DOCK4: variants seen among roughly 807,000 people sequenced by gnomAD.
DOCK4 encodes the protein dedicator of cytokinesis protein 4.
DOCK4 carries 97 observed loss-of-function variants against 268.1 expected under a neutral mutation model. The observed-to-expected ratio is 0.36, with a 90% confidence interval of 0.31 to 0.43. DOCK4 has a LOEUF of 0.43. DOCK4 is among the 20% of genes least tolerant of loss of function. DOCK4 has a pLI of 1.00. For missense variants in DOCK4, 2,145 were observed against 2,455.7 expected (o/e 0.87, Z 2.67); for synonymous variants, 954 against 887.2 (o/e 1.08, Z -1.34).
At chr7:112,031,482 T>A (rs1803267575) in intron 1 of DOCK4, among the ~76,000 whole-genome samples, 1 of 152,156 alleles carries the variant, frequency 6.6e-6, no homozygotes, top group Admixed American at 6.5e-5. Flanking sequence ...TTTATAGTGT[T>A]AAAGACTGAT....
intron 12 of DOCK4, among the ~76,000 whole-genome samples, chr7:111,933,824 AG>A (rs1794470500): frequency 6.6e-6 from 1 of 152,172 alleles, no homozygotes; most frequent in African/African-American, 2.4e-5. Context: ...GAGAGGGAGG[AG>A]GAAACTGACC....
intron 22 of DOCK4, among the ~76,000 whole-genome samples, chr7:111,864,551 C>T (rs1365095810): frequency 1.3e-5 from 2 of 152,152 alleles, no homozygotes; most frequent in Admixed American, 6.5e-5. Context: ...CACAGACTCA[C>T]TCAAACTCAA....
chr7:112,044,489 T>C (rs967757734), intron 1 of DOCK4, among the ~76,000 whole-genome samples: 1 of 152,214 alleles, frequency 6.6e-6, no homozygotes, highest in Non-Finnish European at 1.5e-5. Context: ...ACTTAAATTA[T>C]GTCTTAGTAA....
chr7:111,864,401 G>T (rs549063079), intron 22 of DOCK4, among the ~76,000 whole-genome samples: 1 of 152,248 alleles, frequency 6.6e-6, no homozygotes, highest in African/African-American at 2.4e-5. Flanking sequence ...TGGAAGAAGA[G>T]TCGACTAGCT....
chr7:112,013,877 C>G (rs903895578), intron 1 of DOCK4, among the ~76,000 whole-genome samples: 2 of 152,258 alleles, frequency 1.3e-5, no homozygotes, highest in African/African-American at 4.8e-5. Flanking sequence ...CCACACCAAT[C>G]CCATTTACGT....
At chr7:112,029,249 T>C (rs1210774608) in intron 1 of DOCK4, among the ~76,000 whole-genome samples, 1 of 152,120 alleles carries the variant, frequency 6.6e-6, no homozygotes, top group African/African-American at 2.4e-5. Flanking sequence ...GAAAACAAAA[T>C]CTCAATTAAA....
intron 8 of DOCK4, among the ~76,000 whole-genome samples, chr7:111,949,836 T>G (rs772954604): frequency 2.0e-5 from 3 of 152,242 alleles, no homozygotes; most frequent in African/African-American, 4.8e-5. Context: ...TTATTATTAC[T>G]CACCCACACT....
intron 23 of DOCK4, among the ~76,000 whole-genome samples, chr7:111,851,691 G>C (rs1043907921): frequency 1.3e-5 from 2 of 151,956 alleles, no homozygotes; most frequent in African/African-American, 4.8e-5. Flanking sequence ...TAGAGTTCCA[G>C]TTCCGTGAAA....
At chr7:112,151,383 TACTCCAA>T (rs1816057126) in intron 1 of DOCK4, among the ~76,000 whole-genome samples, 1 of 151,982 alleles carries the variant, frequency 6.6e-6, no homozygotes, top group Non-Finnish European at 1.5e-5. Context: ...AACAAAAAAA[TACTCCAA>T]ATATGGTAGA....
chr7:111,741,063 AAC>A, intron 47 of DOCK4, 29 bp downstream of exon 47: 1 of 1,612,486 alleles, frequency 6.2e-7, no homozygotes. Flanking sequence ...AAAAGGAATA[AAC>A]ACAACCAGAC....
chr7:112,155,594 T>C (rs1476445737), intron 1 of DOCK4, among the ~76,000 whole-genome samples: 1 of 152,232 alleles, frequency 6.6e-6, no homozygotes, highest in African/African-American at 2.4e-5. Flanking sequence ...ATTATGGTTC[T>C]GCTGCAATCA....
chr7:111,860,567 C>G (rs1162589060), intron 23 of DOCK4, among the ~76,000 whole-genome samples: 1 of 152,218 alleles, frequency 6.6e-6, no homozygotes, highest in African/African-American at 2.4e-5. Context: ...GTGGGACCTT[C>G]CCACACAACA....
At chr7:111,991,798 AAAAATAC>A (rs1799552014) in intron 5 of DOCK4, among the ~76,000 whole-genome samples, 1 of 151,820 alleles carries the variant, frequency 6.6e-6, no homozygotes, top group South Asian at 2.1e-4. Flanking sequence ...CGTCTCTACT[AAAAATAC>A]AAAAAAATTA....
chr7:111,977,421 A>C, intron 7 of DOCK4, 138 bp from the exon 8 acceptor site: 4 of 857,418 alleles, frequency 4.7e-6, no homozygotes, highest in Non-Finnish European at 5.1e-6. Context: ...TGGTATCTAA[A>C]TCCACAGCAA....
chr7:111,933,186 GTATATACACATATATACGTATAT>G (rs1794369250), intron 12 of DOCK4, among the ~76,000 whole-genome samples: 2 of 121,488 alleles, frequency 1.6e-5, no homozygotes, highest in Non-Finnish European at 3.4e-5. Context: ...ACATATATAC[GTATATACACATATATACGTATAT>G]ACACATATAT....
rs1180671214 is a variant in DOCK4 at position 111,782,796 on chromosome 7, CAT to C, written c.3585+66_3585+67del. 28 of 1,467,954 alleles carry C rather than the reference CAT, an allele frequency of 1.9e-5. 1 individual carries two copies. The highest frequency in any genetic ancestry group is 1.0e-5 in the Non-Finnish European group (11 of 1,049,892). 90.9% of individuals were successfully genotyped at this position (1,467,954 alleles called of 1,614,324 possible). Reference sequence around the variant, plus strand: ...CATTGCAGATTAAACACAAACAAAACATAGTATTTCTGGGAAAAAAATACAAG... The same window carrying C: ...CATTGCAGATTAAACACAAACAAAACAGTATTTCTGGGAAAAAAATACAAG... On this transcript the variant is annotated intron_variant, in intron 35 of 52. Coordinates refer to ENST00000428084, the MANE Select transcript of DOCK4 (RefSeq NM_001363540.2).
chr7:111,754,008 G>T (rs959529054), intron 42 of DOCK4, among the ~76,000 whole-genome samples: 1 of 152,174 alleles, frequency 6.6e-6, no homozygotes, highest in African/African-American at 2.4e-5. Context: ...CCAAGGGCTA[G>T]GACCATTGAT....
chr7:112,079,568 G>A (rs988149888), intron 1 of DOCK4, among the ~76,000 whole-genome samples: 1 of 152,290 alleles, frequency 6.6e-6, no homozygotes, highest in African/African-American at 2.4e-5. Flanking sequence ...AGAGTTGAAT[G>A]AGGACAGGAA....
chr7:112,164,703 A>G (rs985898330), intron 1 of DOCK4, among the ~76,000 whole-genome samples: 2 of 152,254 alleles, frequency 1.3e-5, no homozygotes, highest in Non-Finnish European at 2.9e-5. Context: ...GGCATTAAGT[A>G]TGCCAGACAT....
Sources: gnomAD v4.1 joint callset for allele counts (sites outside exome capture counted in the v4.1 genomes callset) on GRCh38, gnomAD v4.1.1 for gene constraint, MANE v1.5 for transcripts, NCBI Gene and HGNC (gene_info 2026-07-23, HGNC 2026-07-21) for gene names.